Variants in SRRM3 observed in about 807,000 individuals in gnomAD.
SRRM3 encodes the protein serine/arginine repetitive matrix 3, also known as serine/arginine repetitive matrix protein 3.
In SRRM3, 27 loss-of-function variants were observed where a neutral mutation model predicts 66.2. That is an observed-to-expected ratio of 0.41 (90% CI 0.30 to 0.56). The LOEUF is 0.56. Ranked by LOEUF, SRRM3 falls within the 20% of genes least tolerant of loss-of-function variation. SRRM3 has a pLI of 0.32. For synonymous variants in SRRM3, 391 were observed against 414.9 expected (o/e 0.94, Z 0.70); for missense variants, 918 against 991.9 (o/e 0.93, Z 1.00).
chr7:76,220,578 C>T (rs1800683931), intron 1 of SRRM3, among the ~76,000 whole-genome samples: 1 of 152,208 alleles, frequency 6.6e-6, no homozygotes, highest in Non-Finnish European at 1.5e-5. Context: ...GCCAGCCCAG[C>T]CACCTCCATT....
At chr7:76,264,700 C>G in intron 8 of SRRM3, 65 bp from the exon 9 acceptor site, 1 of 1,552,886 alleles carries the variant, frequency 6.4e-7, no homozygotes, top group East Asian at 2.2e-5. Context: ...TATACCCAGG[C>G]TCCAGGGCAC....
chr7:76,206,899 C>A (rs1162160410), intron 1 of SRRM3, among the ~76,000 whole-genome samples: 1 of 152,188 alleles, frequency 6.6e-6, no homozygotes. Flanking sequence ...GCTCCCTTAG[C>A]ATCCTGCCAG....
intron 11 of SRRM3, among the ~76,000 whole-genome samples, chr7:76,276,791 G>A (rs1802360369): frequency 6.6e-6 from 1 of 152,152 alleles, no homozygotes; most frequent in Non-Finnish European, 1.5e-5. Flanking sequence ...AGAAGGACAT[G>A]AGAGGTGCCT....
chr7:76,225,653 G>A (rs1022838360), intron 1 of SRRM3, among the ~76,000 whole-genome samples: 5 of 152,154 alleles, frequency 3.3e-5, no homozygotes, highest in Admixed American at 1.3e-4. Context: ...AAGCCAAGGC[G>A]GGGGATCACT....
intron 1 of SRRM3, among the ~76,000 whole-genome samples, chr7:76,202,819 T>C (rs1237767421): frequency 5.9e-5 from 9 of 152,106 alleles, no homozygotes; most frequent in Non-Finnish European, 5.9e-5. Context: ...CTCCCAGGGC[T>C]CCTGCCTGGA....
intron 8 of SRRM3, among the ~76,000 whole-genome samples, chr7:76,263,165 C>G (rs1167642500): frequency 2.0e-5 from 3 of 152,218 alleles, no homozygotes; most frequent in Non-Finnish European, 4.4e-5. Context: ...CTGGCCAGCT[C>G]CCATCCTTCC....
intron 1 of SRRM3, among the ~76,000 whole-genome samples, chr7:76,218,674 CTTTTTTTTTTTTT>C (rs11349335): frequency 2.6e-5 from 2 of 76,278 alleles, no homozygotes; most frequent in Non-Finnish European, 4.5e-5. Flanking sequence ...GCTTTCTTTT[CTTTTTTTTTTTTT>C]TTTTTTTTTT....
intron 1 of SRRM3, among the ~76,000 whole-genome samples, chr7:76,213,175 A>C (rs1800477574): frequency 6.6e-6 from 1 of 151,530 alleles, no homozygotes. Context: ...ACGCCCAGCT[A>C]ATTTTTTGAA....
rs1242690891 is a variant in SRRM3, at chr7:76,281,628, C to T, written c.1196C>T (p.Ser399Leu). 24 of 972,910 alleles carry T rather than the reference C, an allele frequency of 2.5e-5. No individual in the cohort carries two copies. Among genetic ancestry groups the T allele is most frequent in the Non-Finnish European group, 2.9e-5 (24 of 821,482 alleles). The allele number at this position is 972,910 out of a possible 1,614,324, so 60.3% of individuals were successfully genotyped here. Residue 399 changes from serine to leucine, a missense_variant, in exon 12 of 15, where the codon TCG becomes TTG. By Grantham distance (145) the Ser-to-Leu change is moderately radical. Transcript: ENST00000611745. ...RRRRRRRSRSSASAPRRRGRR... is the reference protein window; with the variant it reads ...RRRRRRRSRSLASAPRRRGRR... ...CGTAGGCGGCGGCGCTCGCGGTCCT[C>T]GGCGTCCGCGCCCCGCCGCAGGGGT...
At chr7:76,217,096 T>C (rs1224258037) in intron 1 of SRRM3, among the ~76,000 whole-genome samples, 1 of 152,214 alleles carries the variant, frequency 6.6e-6, no homozygotes, top group Non-Finnish European at 1.5e-5. Context: ...ACACCCTTCC[T>C]GCTGATAGCT....
chr7:76,243,576 C>T (rs963453305), intron 2 of SRRM3, among the ~76,000 whole-genome samples: 2 of 152,150 alleles, frequency 1.3e-5, no homozygotes, highest in Non-Finnish European at 1.5e-5. Context: ...CTGCAGGTCT[C>T]CCTGAAACCC....
intron 11 of SRRM3, among the ~76,000 whole-genome samples, chr7:76,270,595 T>TG (rs1385154281): frequency 1.3e-5 from 2 of 152,042 alleles, no homozygotes; most frequent in African/African-American, 2.4e-5. Context: ...GCAGATCACC[T>TG]GAGGTCAGGA....
At chr7:76,266,650 A>T (rs1003575927) in intron 10 of SRRM3, among the ~76,000 whole-genome samples, 2 of 131,458 alleles carry the variant, frequency 1.5e-5, no homozygotes, top group Non-Finnish European at 3.1e-5. Context: ...TTTATATATT[A>T]TATATATTAT....
chr7:76,224,876 A>G (rs536227900), intron 1 of SRRM3, among the ~76,000 whole-genome samples: 56 of 152,308 alleles, frequency 3.7e-4, no homozygotes, highest in South Asian at 3.1e-3. Context: ...CTTCCCGAGT[A>G]AAAAGCACAC....
Position 76,283,062 on chromosome 7 carries a change from G to T in SRRM3, c.1694G>T (p.Arg565Leu). 1.3e-6 allele frequency: 2 copies of T among 1,485,292 alleles called. No individual in the cohort carries two copies. Among genetic ancestry groups the T allele is most frequent in the Admixed American group, 2.3e-5 (1 of 42,798 alleles). The allele number at this position is 1,485,292 out of a possible 1,614,324, so 92.0% of individuals were successfully genotyped here. Residue 565 changes from arginine (R) to leucine (L), a missense_variant, in exon 14 of 15, where the codon CGG (arginine) becomes CTG (leucine). By Grantham distance (102) the Arg-to-Leu change is moderately radical. Transcript: ENST00000611745. ...RSYSPIRKRR[R>L]DSPSFMEPRR... ...TACTCGCCCATCCGCAAGCGGCGCCGGGACTCGCCAAGCTTCATGGAGCCG... is the reference window on the plus strand; with the variant it reads ...TACTCGCCCATCCGCAAGCGGCGCCTGGACTCGCCAAGCTTCATGGAGCCG...
At chr7:76,257,149 T>G (rs1801733339) in intron 3 of SRRM3, among the ~76,000 whole-genome samples, 1 of 152,206 alleles carries the variant, frequency 6.6e-6, no homozygotes, top group Admixed American at 6.6e-5. Context: ...AGCCTCATTT[T>G]ATACAGCTCC....
At chr7:76,270,450 C>T (rs1175732997) in intron 11 of SRRM3, among the ~76,000 whole-genome samples, 5 of 151,754 alleles carry the variant, frequency 3.3e-5, no homozygotes, top group African/African-American at 1.2e-4. Flanking sequence ...CTGAGGGGGG[C>T]GGATCACCTG....
Position 76,283,902 on chromosome 7 carries a change from G to A in SRRM3, c.1733+801G>A, listed in dbSNP as rs572601134. On this transcript the variant is annotated intron_variant, in intron 14 of 14. Coordinates refer to ENST00000611745, the MANE Select transcript of SRRM3 (RefSeq NM_001110199.3). ...AGATTACCCTGGCAGGGGGTTGGGG[G>A]GAACACAGGCAAAAAGTTCTGAGCC... The A allele has an allele frequency of 3.0e-4, 279 of 937,348 alleles. 1 individual carries two copies. The highest frequency in any genetic ancestry group is 3.5e-4 in the Non-Finnish European group (272 of 786,278). The allele number at this position is 937,348 out of a possible 1,614,324, so 58.1% of individuals were successfully genotyped here.
chr7:76,217,731 T>G (rs578254256), intron 1 of SRRM3, among the ~76,000 whole-genome samples: 22 of 152,256 alleles, frequency 1.4e-4, no homozygotes, highest in African/African-American at 5.3e-4. Context: ...AGCAGGATAT[T>G]GATAAGATGT....
Sources: allele counts gnomAD v4.1 joint callset (sites outside exome capture counted in the v4.1 genomes callset), GRCh38; gene constraint gnomAD v4.1.1; transcripts MANE v1.5; gene names NCBI Gene and HGNC (gene_info 2026-07-23, HGNC 2026-07-21).